Variants in DCC observed in about 807,000 individuals in gnomAD.
DCC encodes DCC netrin 1 receptor.
DCC carries 58 observed loss-of-function variants against 172.5 expected under a neutral mutation model. The ratio of observed to expected loss-of-function variants is 0.34; its 90% CI spans 0.27 to 0.42. The LOEUF (loss-of-function observed/expected upper bound fraction) is 0.42, where lower values mean the gene tolerates loss of function less well. DCC is among the 10% of genes least tolerant of loss of function. DCC has a pLI of 1.00. For missense variants in DCC, 1,740 were observed against 1,791.0 expected, an observed-to-expected ratio of 0.97 and a Z score of 0.51; for synonymous variants, 709 against 644.5, an observed-to-expected ratio of 1.10 and a Z score of -1.52.
intron 1 of DCC, among the ~76,000 whole-genome samples, chr18:52,619,395 T>C (rs1041879348): frequency 1.3e-5 from 2 of 152,220 alleles, no homozygotes; most frequent in Non-Finnish European, 2.9e-5. Flanking sequence ...AACTTGAACA[T>C]GGCCAATGTC....
chr18:52,643,118 C>T (rs2034942879), intron 1 of DCC, among the ~76,000 whole-genome samples: 1 of 152,116 alleles, frequency 6.6e-6, no homozygotes, highest in Non-Finnish European at 1.5e-5. Flanking sequence ...GAAGAATGTT[C>T]TATAGTTAAA....
At chr18:52,459,616 C>T (rs905959994) in intron 1 of DCC, among the ~76,000 whole-genome samples, 6 of 151,888 alleles carry the variant, frequency 4.0e-5, no homozygotes, top group South Asian at 2.1e-4. Context: ...TACAGGTGCC[C>T]GCCACCACGC....
intron 5 of DCC, among the ~76,000 whole-genome samples, chr18:52,953,138 A>G (rs2040685512): frequency 6.6e-6 from 1 of 152,112 alleles, no homozygotes; most frequent in South Asian, 2.1e-4. Flanking sequence ...AGCAGTAACC[A>G]ACATCCCTTT....
intron 9 of DCC, among the ~76,000 whole-genome samples, chr18:53,204,026 A>C (rs1402237573): frequency 6.6e-6 from 1 of 152,198 alleles, no homozygotes; most frequent in Non-Finnish European, 1.5e-5. Flanking sequence ...CATAGTCTCT[A>C]ATGAGCCCAT....
chr18:53,425,763 C>T (rs564339259), intron 21 of DCC, among the ~76,000 whole-genome samples: 56 of 152,168 alleles, frequency 3.7e-4, no homozygotes, highest in African/African-American at 1.3e-3. Flanking sequence ...TGTGTTTATT[C>T]ATCTTTCTGA....
intron 1 of DCC, among the ~76,000 whole-genome samples, chr18:52,592,425 A>G (rs2033820360): frequency 6.6e-6 from 1 of 152,208 alleles, no homozygotes; most frequent in South Asian, 2.1e-4. Context: ...TGAGCCATGC[A>G]GTAACTAGTG....
chr18:53,340,424 G>T (rs1286649129), intron 15 of DCC, among the ~76,000 whole-genome samples: 5 of 151,890 alleles, frequency 3.3e-5, no homozygotes. Flanking sequence ...GACTGCAAAA[G>T]AAGATGAAAG....
At chr18:53,207,239 T>C (rs1301456843) in intron 10 of DCC, among the ~76,000 whole-genome samples, 1 of 152,142 alleles carries the variant, frequency 6.6e-6, no homozygotes, top group Non-Finnish European at 1.5e-5. Context: ...GAGATAAAAA[T>C]TGTGGCAAAG....
At position 52,385,244 on chromosome 18, in the gene DCC, G is replaced by A. The variant is rs138238805; in HGVS notation, c.91+44366G>A. Reference sequence around the variant, plus strand: ...TGTGTGGTATGAAATAGCCAGCAAGGCTTCATTTTGAAATTACACATTTTT... The same window carrying A: ...TGTGTGGTATGAAATAGCCAGCAAGACTTCATTTTGAAATTACACATTTTT... On this transcript the variant is annotated intron_variant, in intron 1 of 28. Transcript: ENST00000442544. Among the ~76,000 whole-genome samples the A allele has an allele frequency of 6.6e-5, 10 of 152,142 alleles. No individual in the cohort carries two copies. The East Asian group carries it at 1.9e-3, about 30-fold the overall frequency.
chr18:53,340,019 G>A (rs1599039997), intron 15 of DCC, 112 bp downstream of exon 15: 1 of 830,638 alleles, frequency 1.2e-6, no homozygotes, highest in Non-Finnish European at 1.9e-6. Flanking sequence ...CTTACAGCAT[G>A]TATTAGCTCT....
intron 1 of DCC, among the ~76,000 whole-genome samples, chr18:52,634,112 C>A (rs902288114): frequency 3.9e-5 from 6 of 152,222 alleles, no homozygotes; most frequent in African/African-American, 1.4e-4. Flanking sequence ...GTGACTTCCT[C>A]AATTTCAGTG....
chr18:52,779,497 G>T (rs949657184), intron 2 of DCC, among the ~76,000 whole-genome samples: 1 of 152,000 alleles, frequency 6.6e-6, no homozygotes, highest in South Asian at 2.1e-4. Flanking sequence ...CCTTTTTTAT[G>T]GCTATATAGT....
chr18:53,526,809 C>T (rs563900769), intron 28 of DCC, 50 bp downstream of exon 28: 256 of 1,601,590 alleles, frequency 1.6e-4, no homozygotes, highest in Non-Finnish European at 1.9e-4. Flanking sequence ...GATTGACTGG[C>T]GCTGTGTAAT....
chr18:53,091,509 C>T (rs2043008812), intron 7 of DCC, among the ~76,000 whole-genome samples: 1 of 151,574 alleles, frequency 6.6e-6, no homozygotes, highest in Non-Finnish European at 1.5e-5. Context: ...TGGTGACCGG[C>T]TGAGTTTCCC....
intron 7 of DCC, among the ~76,000 whole-genome samples, chr18:53,152,514 A>T (rs759777025): frequency 7.9e-5 from 12 of 152,282 alleles, no homozygotes; most frequent in Non-Finnish European, 1.6e-4. Context: ...GCTTTTCGTT[A>T]TCTATAAAAA....
intron 7 of DCC, among the ~76,000 whole-genome samples, chr18:53,083,168 CTT>C (rs1420240774): frequency 6.6e-6 from 1 of 152,020 alleles, no homozygotes; most frequent in Non-Finnish European, 1.5e-5. Context: ...AGCTCAGATT[CTT>C]TGTTTTTCGA....
intron 5 of DCC, among the ~76,000 whole-genome samples, chr18:52,938,586 A>T (rs1568199117): frequency 6.6e-6 from 1 of 152,162 alleles, no homozygotes; most frequent in Non-Finnish European, 1.5e-5. Flanking sequence ...ATTGTAAGTT[A>T]TTAAGAAAAT....
intron 2 of DCC, among the ~76,000 whole-genome samples, chr18:52,857,445 T>C (rs2145354351): frequency 6.6e-6 from 1 of 152,340 alleles, no homozygotes; most frequent in East Asian, 1.9e-4. Context: ...CATATTTTCT[T>C]TCTAATTTAA....
intron 1 of DCC, among the ~76,000 whole-genome samples, chr18:52,452,769 T>A (rs930938862): frequency 6.6e-6 from 1 of 152,192 alleles, no homozygotes; most frequent in Non-Finnish European, 1.5e-5. Flanking sequence ...ATTAAATAAA[T>A]GTAGGTCAGA....
Sources: allele counts gnomAD v4.1 joint callset (sites outside exome capture counted in the v4.1 genomes callset), GRCh38; gene constraint gnomAD v4.1.1; transcripts MANE v1.5; gene names NCBI Gene and HGNC (gene_info 2026-07-23, HGNC 2026-07-21).